EFCAB6: variants seen among roughly 807,000 people sequenced by gnomAD.
EFCAB6 encodes the protein EF-hand calcium binding domain 6, also known as EF-hand calcium-binding domain-containing protein 6.
Under a neutral mutation model 169.8 loss-of-function variants are expected in EFCAB6, and 156 were observed. The ratio of observed to expected loss-of-function variants is 0.92; its 90% CI spans 0.81 to 1.05. The LOEUF (loss-of-function observed/expected upper bound fraction) is 1.05, where lower values mean the gene tolerates loss of function less well. EFCAB6 is among the 50% of genes least tolerant of loss of function. EFCAB6 has a pLI of 0.00. For synonymous variants in EFCAB6, 698 were observed against 676.4 expected (o/e 1.03, Z -0.50); for missense variants, 1,800 against 1,829.1 (o/e 0.98, Z 0.29).
At chr22:43,538,210 G>A (rs1472898100) in intron 28 of EFCAB6, among the ~76,000 whole-genome samples, 1 of 151,940 alleles carries the variant, frequency 6.6e-6, no homozygotes, top group African/African-American at 2.4e-5. Flanking sequence ...ACCCTTAGAA[G>A]TCTTCCTTGA....
intron 17 of EFCAB6, among the ~76,000 whole-genome samples, chr22:43,661,888 G>T (rs112693609): frequency 2.4e-4 from 37 of 152,272 alleles, no homozygotes; most frequent in African/African-American, 8.4e-4. Context: ...AGGCCGAGGC[G>T]GGTGGATCAC....
chr22:43,562,868 C>T (rs1243683842), intron 26 of EFCAB6, among the ~76,000 whole-genome samples: 1 of 152,034 alleles, frequency 6.6e-6, no homozygotes, highest in Non-Finnish European at 1.5e-5. Flanking sequence ...GGGAGGCAGC[C>T]CAGGTCACAG....
At chr22:43,810,397 C>G (rs750546493) in intron 1 of EFCAB6, among the ~76,000 whole-genome samples, 2 of 152,116 alleles carry the variant, frequency 1.3e-5, no homozygotes, top group African/African-American at 2.4e-5. Context: ...AGTGAAAGAT[C>G]AAAACCAAAA....
chr22:43,770,738 T>G (rs1299008839), intron 4 of EFCAB6, among the ~76,000 whole-genome samples: 1 of 151,708 alleles, frequency 6.6e-6, no homozygotes, highest in African/African-American at 2.4e-5. Flanking sequence ...CAGGGGCCAG[T>G]GGGACAATAT....
intron 24 of EFCAB6, 102 bp downstream of exon 24, chr22:43,589,972 T>C (rs1003723111): frequency 6.9e-7 from 1 of 1,454,858 alleles, no homozygotes; most frequent in Non-Finnish European, 9.3e-7. Flanking sequence ...GGTATTTTCA[T>C]CTCAGAAGGC....
intron 17 of EFCAB6, among the ~76,000 whole-genome samples, chr22:43,644,910 T>G (rs1475307113): frequency 6.6e-6 from 1 of 152,244 alleles, no homozygotes; most frequent in African/African-American, 2.4e-5. Flanking sequence ...TGTAGTTAAT[T>G]GCAATTTAAA....
Position 43,672,053 on chromosome 22 carries a change from G to A in EFCAB6, c.1560C>T (p.Asp520=). The A allele has an allele frequency of 1.2e-6, 2 of 1,614,184 alleles. No individual in the cohort carries two copies. Among genetic ancestry groups the A allele is most frequent in the Non-Finnish European group, 1.7e-6 (2 of 1,180,038 alleles). The stretch of plus-strand genomic sequence containing the variant: ...AATTATTTCGGCCAATGCGCCCTGT[G>A]TCTCCAAGGTCATATGAGCGTAGCA... ...YNMLRSYDLG[D]TGRIGRNNFK... Residue 520 remains aspartate (D), a synonymous_variant, in exon 15 of 32, where the codon GAC becomes GAT. Transcript: ENST00000262726.
Position 43,802,468 on chromosome 22 carries a change from T to C in EFCAB6, c.-8+6527A>G, listed in dbSNP as rs952986783. On this transcript the variant is annotated intron_variant, in intron 2 of 31. Transcript: ENST00000262726. ...ATTGCTTGAACCCAGGAGGCAGAGG[T>C]TGCAGTGAGCCTAGATCATGCCACT... The C allele has an allele frequency of 3.5e-5, 8 of 228,924 alleles. No individual in the cohort carries two copies. The Admixed American group carries it at 4.1e-4, about 12-fold the overall frequency. The allele number at this position is 228,924 out of a possible 1,614,324, so 14.2% of individuals were successfully genotyped here.
rs776037953 is a variant in EFCAB6 at position 43,580,591 on chromosome 22, T to A, written c.3101A>T (p.Lys1034Met). ...LDFLRAVENS[K>M]STGAQPKEKE... Reference sequence around the variant, plus strand: ...TTCCTTGGGCTGAGCTCCTGTTGACTTGCTGTTCTCCACTGCTCTCAGGAA... The same window carrying A: ...TTCCTTGGGCTGAGCTCCTGTTGACATGCTGTTCTCCACTGCTCTCAGGAA... The change falls in exon 25 of 32, where the codon AAG (lysine) becomes ATG (methionine). Residue 1034 changes from lysine (K) to methionine (M), a missense_variant. Physicochemically the swap from Lys to Met is moderately conservative, Grantham distance 95. Coordinates refer to ENST00000262726, the MANE Select transcript of EFCAB6 (RefSeq NM_022785.4). The A allele has an allele frequency of 8.7e-6, 14 of 1,614,200 alleles. No homozygotes were observed. The highest frequency in any genetic ancestry group is 1.2e-5 in the Non-Finnish European group (14 of 1,180,036).
intron 8 of EFCAB6, among the ~76,000 whole-genome samples, chr22:43,729,029 CT>C (rs2147585456): frequency 6.6e-6 from 1 of 152,258 alleles, no homozygotes; most frequent in African/African-American, 2.4e-5. Flanking sequence ...TTTCAAGAAG[CT>C]TTTTACTGGT....
At chr22:43,585,095 C>G (rs1324784118) in intron 24 of EFCAB6, among the ~76,000 whole-genome samples, 1 of 152,066 alleles carries the variant, frequency 6.6e-6, no homozygotes, top group Non-Finnish European at 1.5e-5. Flanking sequence ...AGAAAAGACA[C>G]AGTATGAAGA....
chr22:43,570,626 T>TTC (rs2049796545), intron 26 of EFCAB6, among the ~76,000 whole-genome samples: 1 of 151,492 alleles, frequency 6.6e-6, no homozygotes, highest in Non-Finnish European at 1.5e-5. Context: ...TTTTTTTTTT[T>TTC]CCTGTTCGGC....
At chr22:43,593,401 AC>A (rs908944851) in intron 23 of EFCAB6, among the ~76,000 whole-genome samples, 3 of 152,188 alleles carry the variant, frequency 2.0e-5, no homozygotes, top group African/African-American at 7.2e-5. Flanking sequence ...CCCAGGATGC[AC>A]GGTTTCTCTC....
At chr22:43,717,186 A>G (rs2059360155) in intron 8 of EFCAB6, among the ~76,000 whole-genome samples, 1 of 152,168 alleles carries the variant, frequency 6.6e-6, no homozygotes, top group Non-Finnish European at 1.5e-5. Flanking sequence ...CTCTAGGATA[A>G]ACACTAGATA....
chr22:43,530,776 T>C lies in EFCAB6; in HGVS notation c.4383+39A>G, dbSNP rs769176388. ...TTTCTGGCCGCTGGCATTTGGCAGC[T>C]GCTCCCTGCAGAGGCACTGGGCGCA... On this transcript the variant is annotated intron_variant, in intron 31 of 31. Coordinates refer to ENST00000262726, the MANE Select transcript of EFCAB6 (RefSeq NM_022785.4). The C allele has an allele frequency of 1.9e-6, 3 of 1,607,764 alleles. 1 individual carries two copies. In the South Asian group the frequency reaches 3.3e-5, roughly 18 times the overall value.
intron 10 of EFCAB6, among the ~76,000 whole-genome samples, chr22:43,701,640 G>C (rs1001174459): frequency 6.6e-6 from 1 of 151,750 alleles, no homozygotes; most frequent in Non-Finnish European, 1.5e-5. Flanking sequence ...ATAAATGATG[G>C]TGGGAAAATA....
At chr22:43,538,739 A>T (rs1379903092) in intron 28 of EFCAB6, among the ~76,000 whole-genome samples, 2 of 152,186 alleles carry the variant, frequency 1.3e-5, no homozygotes, top group African/African-American at 4.8e-5. Flanking sequence ...CTGCTTAAAA[A>T]TAAGCAAAGG....
At chr22:43,631,106 C>T (rs1190241783) in intron 19 of EFCAB6, among the ~76,000 whole-genome samples, 1 of 151,790 alleles carries the variant, frequency 6.6e-6, no homozygotes, top group Non-Finnish European at 1.5e-5. Context: ...CTCCCCACAG[C>T]CCCCCAGGCT....
intron 11 of EFCAB6, among the ~76,000 whole-genome samples, chr22:43,685,313 T>C (rs1477126905): frequency 6.6e-6 from 1 of 151,672 alleles, no homozygotes; most frequent in East Asian, 1.9e-4. Flanking sequence ...TTTCTGGAGA[T>C]TAGTGTGTGG....
Sources: allele counts gnomAD v4.1 joint callset (sites outside exome capture counted in the v4.1 genomes callset), GRCh38; gene constraint gnomAD v4.1.1; transcripts MANE v1.5; gene names NCBI Gene and HGNC (gene_info 2026-07-23, HGNC 2026-07-21).